Variants in KPNB1 observed in about 807,000 individuals in gnomAD.
The protein encoded by KPNB1 is karyopherin subunit beta 1, also known as importin subunit beta-1.
Under a neutral mutation model 113.0 loss-of-function variants are expected in KPNB1, and 7 were observed. The observed-to-expected ratio is 0.06, with a 90% CI of 0.04 to 0.12. KPNB1 has a LOEUF of 0.12. Ranked by LOEUF, KPNB1 falls within the 10% of genes least tolerant of loss-of-function variation. KPNB1 has a pLI of 1.00. For missense variants in KPNB1, 400 were observed against 1,054.8 expected (o/e 0.38, Z 8.60); for synonymous variants, 363 against 378.6 (o/e 0.96, Z 0.48).
At chr17:47,658,361 A>C (rs1003927859) in intron 4 of KPNB1, 147 bp from the exon 5 acceptor site, 10 of 720,182 alleles carry the variant, frequency 1.4e-5, no homozygotes, top group African/African-American at 1.1e-4. Context: ...AAAGGTGTAC[A>C]TGCACCTTTT....
intron 6 of KPNB1, among the ~76,000 whole-genome samples, chr17:47,662,603 C>G (rs866075062): frequency 4.6e-5 from 7 of 151,436 alleles, no homozygotes; most frequent in African/African-American, 1.5e-4. Flanking sequence ...GAAAAATGGC[C>G]GGGCGCAGTG....
At chr17:47,674,897 G>A in intron 15 of KPNB1, 115 bp downstream of exon 15, 1 of 1,088,882 alleles carries the variant, frequency 9.2e-7, no homozygotes. Context: ...GCGCACTGCA[G>A]CCTTGAAATC....
At chr17:47,681,339 G>A (rs1489272477) in intron 21 of KPNB1, among the ~76,000 whole-genome samples, 1 of 147,730 alleles carries the variant, frequency 6.8e-6, no homozygotes, top group Non-Finnish European at 1.5e-5. Flanking sequence ...TGCGATCTCA[G>A]CTTATTGCAA....
chr17:47,675,361 G>GTTTTTTTGTTTTTTTTTT (rs2030569098), intron 15 of KPNB1, among the ~76,000 whole-genome samples: 1 of 88,692 alleles, frequency 1.1e-5, no homozygotes, highest in African/African-American at 4.6e-5. Flanking sequence ...CAGAGGTGTT[G>GTTTTTTTGTTTTTTTTTT]TTTTTTTTTT....
rs763878821 is a variant in KPNB1, at chr17:47,682,915, TAGA to T, written c.*514_*516del. The T allele has an allele frequency of 4.5e-5, 7 of 156,828 alleles. No homozygotes were observed. Among genetic ancestry groups the T allele is most frequent in the African/African-American group, 1.2e-4 (5 of 41,398 alleles). The allele number at this position is 156,828 out of a possible 1,614,324, so 9.7% of individuals were successfully genotyped here. On this transcript the variant is annotated 3_prime_UTR_variant, in exon 22 of 22. Transcript: ENST00000290158. ...CACATGGTACTGTATGCTTGCCAGC[TAGA>T]AGGAGGGTCAGGGATTTTTTACAGT...
At position 47,674,670 on chromosome 17, in the gene KPNB1, T is replaced by A. The variant is rs180862063; in HGVS notation, c.1800T>A (p.Ala600=). ...NVLRKVQHQD[A]LQISDVVMAS... ...TTCGGAAAGTGCAACATCAAGATGC[T>A]TTGCAGATCTCTGATGTGGTTATGG... The change falls in exon 15 of 22, where the codon GCT becomes GCA. Residue 600 remains alanine, a synonymous_variant. Transcript: ENST00000290158. 5.6e-6 allele frequency: 9 copies of A among 1,614,154 alleles called. No individual in the cohort carries two copies. The highest frequency in any genetic ancestry group is 1.6e-4 in the Middle Eastern group (1 of 6,062).
At chr17:47,675,361 G>GGTTTTTTTTT (rs2030566469) in intron 15 of KPNB1, among the ~76,000 whole-genome samples, 3 of 88,692 alleles carry the variant, frequency 3.4e-5, no homozygotes, top group Non-Finnish European at 4.6e-5. Flanking sequence ...CAGAGGTGTT[G>GGTTTTTTTTT]TTTTTTTTTT....
At position 47,656,891 on chromosome 17, in the gene KPNB1, G is replaced by T. The variant is rs1298606123; in HGVS notation, c.314G>T (p.Arg105Leu). 1 of 1,614,056 alleles carries T rather than the reference G, an allele frequency of 6.2e-7. No homozygotes were observed. ...CAGACATTGGGTACAGAAACTTACC[G>T]GCCTAGTTCTGCCTCACAGTGTGTG... ...VLQTLGTETY[R>L]PSSASQCVAG... is the part of the protein sequence containing the mutation. Residue 105 changes from arginine to leucine, a missense_variant, in exon 4 of 22, where the codon CGG becomes CTG. Around this residue, in one of 2 missense-constraint regions of KPNB1, gnomAD observed 285 missense variants for 627.0 expected, o/e 0.45. Transcript: ENST00000290158.
intron 3 of KPNB1, among the ~76,000 whole-genome samples, chr17:47,654,244 GTC>G (rs1369138969): frequency 6.6e-6 from 1 of 152,002 alleles, no homozygotes; most frequent in African/African-American, 2.4e-5. Context: ...GCGAAACCCT[GTC>G]TCTACTAAAA....
intron 2 of KPNB1, among the ~76,000 whole-genome samples, chr17:47,651,548 TC>T (rs1915570195): frequency 1.3e-5 from 2 of 152,244 alleles, no homozygotes; most frequent in Admixed American, 6.5e-5. Context: ...GTTTATCCTT[TC>T]CTAGAAGAGA....
In KPNB1 at chr17:47,651,318, C is replaced by A. The variant is rs893752354; in HGVS notation, c.99+874C>A. 3.0e-6 allele frequency: 3 copies of A among 985,206 alleles called. No individual in the cohort carries two copies. In the South Asian group the frequency reaches 1.4e-4, roughly 46 times the overall value. 61.0% of individuals were successfully genotyped at this position (985,206 alleles called of 1,614,324 possible). A position where few individuals can be genotyped will look rare whatever the true frequency, so the allele number is the denominator to read the frequency against. Reference sequence around the variant, plus strand: ...TTAAGTTTCTCTTTGGTGTCCATCTCCTGTTGGGGGATGGGGTCAGAGGGA... The same window carrying A: ...TTAAGTTTCTCTTTGGTGTCCATCTACTGTTGGGGGATGGGGTCAGAGGGA... On this transcript the variant is annotated intron_variant, in intron 2 of 21. Coordinates refer to ENST00000290158, the MANE Select transcript of KPNB1 (RefSeq NM_002265.6).
At chr17:47,666,882 G>A (rs1456990737) in intron 9 of KPNB1, among the ~76,000 whole-genome samples, 1 of 152,000 alleles carries the variant, frequency 6.6e-6, no homozygotes, top group Non-Finnish European at 1.5e-5. Flanking sequence ...CTCCCAAAGT[G>A]CTGGGATTAC....
intron 14 of KPNB1, among the ~76,000 whole-genome samples, chr17:47,674,232 G>C (rs142772794): frequency 9.8e-5 from 15 of 152,302 alleles, no homozygotes; most frequent in Non-Finnish European, 2.1e-4. Context: ...TCTGTAAATA[G>C]GTAGGATATA....
intron 4 of KPNB1, among the ~76,000 whole-genome samples, chr17:47,657,964 C>T (rs1230458628): frequency 6.6e-6 from 1 of 152,150 alleles, no homozygotes; most frequent in East Asian, 1.9e-4. Context: ...CACCTGTAGT[C>T]CCAGCTGCTT....
chr17:47,682,555 C>T lies in KPNB1; in HGVS notation c.*151C>T, dbSNP rs1435379832. On this transcript the variant is annotated 3_prime_UTR_variant, in exon 22 of 22. Transcript: ENST00000290158. ...CTTGAAAACACACCACATTGAAAAT[C>T]CTGCCACAGCAGCAGCCGCAGCCGC... 4.5e-6 allele frequency: 3 copies of T among 668,678 alleles called. No homozygotes were observed. The African/African-American group carries it at 5.4e-5, about 12-fold the overall frequency. 41.4% of individuals were successfully genotyped at this position (668,678 alleles called of 1,614,324 possible).
chr17:47,678,458 A>G (rs774507462), intron 19 of KPNB1, 45 bp downstream of exon 19: 35 of 1,380,384 alleles, frequency 2.5e-5, no homozygotes, highest in South Asian at 3.5e-5. Context: ...GCCAATGTGC[A>G]CTTAGCCAAG....
At chr17:47,674,559 G>T in intron 14 of KPNB1, 79 bp from the exon 15 acceptor site, 1 of 1,384,616 alleles carries the variant, frequency 7.2e-7, no homozygotes. Context: ...GGACTTAATT[G>T]ATTTTAAAAA....
Position 47,680,667 on chromosome 17 carries a change from T to C in KPNB1, c.2628T>C (p.Ala876=), listed in dbSNP as rs1405033475. The C allele has an allele frequency of 6.2e-7, 1 of 1,613,468 alleles. No individual in the cohort carries two copies. The highest frequency in any genetic ancestry group is 8.5e-7 in the Non-Finnish European group (1 of 1,179,688). The change falls in exon 21 of 22, where the codon GCT becomes GCC. Residue 876 remains alanine (A), a splice_region_variant and synonymous_variant. Transcript: ENST00000290158. The stretch of plus-strand genomic sequence containing the variant: ...AACTGAGGAAACTGAAGAACCAAGC[T>C]TGGTAAGATCTTGCCTCCACTGTCC... ...TKELRKLKNQ[A] is the part of the protein sequence containing the mutation.
intron 5 of KPNB1, among the ~76,000 whole-genome samples, chr17:47,660,011 T>A (rs1316066355): frequency 6.6e-6 from 1 of 152,216 alleles, no homozygotes; most frequent in African/African-American, 2.4e-5. Context: ...AAATCATTTT[T>A]AAATGTATAG....
Sources: allele counts gnomAD v4.1 joint callset (sites outside exome capture counted in the v4.1 genomes callset), GRCh38; gene constraint gnomAD v4.1.1; regional missense constraint gnomAD v4.1.1; transcripts MANE v1.5; gene names NCBI Gene and HGNC (gene_info 2026-07-23, HGNC 2026-07-21).